The following CPN1 variants were observed in gnomAD, a reference collection of about 807,000 sequenced individuals.
CPN1 encodes carboxypeptidase N subunit 1, also known as carboxypeptidase N catalytic chain.
In CPN1, 37 loss-of-function variants were observed where a neutral mutation model predicts 46.4. The observed-to-expected ratio is 0.80, with a 90% CI of 0.61 to 1.05. CPN1 has a LOEUF of 1.05. Ranked by LOEUF, CPN1 falls within the 50% of genes least tolerant of loss-of-function variation. CPN1 has a pLI of 0.00. For missense variants in CPN1, 563 were observed against 602.6 expected, an observed-to-expected ratio of 0.93 and a Z score of 0.69; for synonymous variants, 224 against 235.4, an observed-to-expected ratio of 0.95 and a Z score of 0.44.
chr10:100,062,553 TTTTA>T, intron 5 of CPN1, among the ~76,000 whole-genome samples: 1 of 152,310 alleles, frequency 6.6e-6, no homozygotes, highest in Non-Finnish European at 1.5e-5. Flanking sequence ...ATGTGTATTA[TTTTA>T]TTTAATACTC....
At chr10:100,059,253 A>G (rs2041403519) in intron 5 of CPN1, among the ~76,000 whole-genome samples, 1 of 152,200 alleles carries the variant, frequency 6.6e-6, no homozygotes, top group South Asian at 2.1e-4. Context: ...AGAATAGGTG[A>G]CGACAGAATC....
intron 6 of CPN1, among the ~76,000 whole-genome samples, chr10:100,056,356 C>T (rs1278425939): frequency 6.6e-6 from 1 of 152,162 alleles, no homozygotes; most frequent in African/African-American, 2.4e-5. Context: ...TCCCTCACCT[C>T]CTTGAAATTT....
rs189694556 is a variant in CPN1 at position 100,052,664 on chromosome 10, G to A, written c.1111+1683C>T. Among the ~76,000 whole-genome samples, 23 of 151,872 alleles carry A rather than the reference G, an allele frequency of 1.5e-4. No homozygotes were observed. The East Asian group carries it at 3.5e-3, about 23-fold the overall frequency. ...GCAGATGACTTGAGCTCAGGAGTTC[G>A]AGACCAGCCTGGACAACAGGGCAAA... On this transcript the variant is annotated intron_variant, in intron 7 of 8. Coordinates refer to ENST00000370418, the MANE Select transcript of CPN1 (RefSeq NM_001308.3).
intron 8 of CPN1, among the ~76,000 whole-genome samples, 185 bp downstream of exon 8, chr10:100,048,573 T>C (rs2041328756): frequency 1.3e-5 from 2 of 152,050 alleles, no homozygotes; most frequent in Non-Finnish European, 2.9e-5. Flanking sequence ...TGTGTGCTTA[T>C]ACTCACTCCC....
chr10:100,081,359 A>C, intron 1 of CPN1, 44 bp downstream of exon 1: 1 of 1,555,460 alleles, frequency 6.4e-7, no homozygotes, highest in Non-Finnish European at 8.8e-7. Flanking sequence ...TTTGCAAGGG[A>C]AAGGCCCTGC....
intron 4 of CPN1, among the ~76,000 whole-genome samples, chr10:100,064,885 A>C (rs2041443891): frequency 1.3e-5 from 2 of 152,026 alleles, no homozygotes; most frequent in African/African-American, 4.8e-5. Context: ...CCCCCCAAAA[A>C]TTCACATTTA....
Position 100,077,214 on chromosome 10 carries a change from T to A in CPN1, c.224-1107A>T, listed in dbSNP as rs1056707781. ...GATGAGAGAGAGCTCTCTGTTGACT[T>A]CCCCGGTTTTACCTTTTTTTTTTTT... On this transcript the variant is annotated intron_variant, in intron 1 of 8. Transcript: ENST00000370418. 2.0e-5 allele frequency among the ~76,000 whole-genome samples: 3 copies of A among 148,346 alleles called. No individual in the cohort carries two copies. The South Asian group carries it at 6.4e-4, about 32-fold the overall frequency.
At chr10:100,073,057 C>T (rs533261086) in intron 2 of CPN1, among the ~76,000 whole-genome samples, 29 of 152,242 alleles carry the variant, frequency 1.9e-4, no homozygotes, top group East Asian at 9.6e-4. Flanking sequence ...CAATAAAATG[C>T]GGCAGATTAC....
At chr10:100,076,206 A>T in intron 1 of CPN1, 99 bp from the exon 2 acceptor site, 1 of 1,159,364 alleles carries the variant, frequency 8.6e-7, no homozygotes, top group Non-Finnish European at 1.3e-6. Context: ...GAATGAAAGA[A>T]AATCTCATGC....
intron 7 of CPN1, among the ~76,000 whole-genome samples, chr10:100,050,433 G>A (rs1163140556): frequency 6.6e-6 from 1 of 152,110 alleles, no homozygotes; most frequent in Non-Finnish European, 1.5e-5. Flanking sequence ...ACTGCTTTAT[G>A]CAATTGTGAG....
At chr10:100,077,008 C>T (rs1016265426) in intron 1 of CPN1, among the ~76,000 whole-genome samples, 2 of 152,078 alleles carry the variant, frequency 1.3e-5, no homozygotes, top group Admixed American at 6.6e-5. Context: ...ATCATTCTTG[C>T]CCTCTTTTAA....
At chr10:100,050,549 G>A (rs778133939) in intron 7 of CPN1, among the ~76,000 whole-genome samples, 5 of 152,108 alleles carry the variant, frequency 3.3e-5, no homozygotes, top group Non-Finnish European at 7.4e-5. Flanking sequence ...AAAAGCTGCC[G>A]GTGGTGTTAT....
At position 100,051,954 on chromosome 10, in the gene CPN1, G is replaced by T. The variant is rs1357976518; in HGVS notation, c.1111+2393C>A. On this transcript the variant is annotated intron_variant, in intron 7 of 8. Coordinates refer to ENST00000370418, the MANE Select transcript of CPN1 (RefSeq NM_001308.3). ...AGTCTCACTCTGCCCAGGCTGGAGTGCAGTGACGTGATTTCGGCTCACTGC... is the reference window on the plus strand; with the variant it reads ...AGTCTCACTCTGCCCAGGCTGGAGTTCAGTGACGTGATTTCGGCTCACTGC... Among the ~76,000 whole-genome samples, 6 of 150,398 alleles carry T rather than the reference G, an allele frequency of 4.0e-5. No individual in the cohort carries two copies. In the South Asian group the frequency reaches 1.3e-3, roughly 32 times the overall value.
chr10:100,054,175 C>T (rs1414785705), intron 7 of CPN1, among the ~76,000 whole-genome samples, 172 bp downstream of exon 7: 2 of 152,132 alleles, frequency 1.3e-5, no homozygotes, highest in Non-Finnish European at 1.5e-5. Flanking sequence ...TTGATTCAGC[C>T]TCTTAATTTA....
At chr10:100,059,650 A>G (rs1253148467) in intron 5 of CPN1, among the ~76,000 whole-genome samples, 1 of 151,686 alleles carries the variant, frequency 6.6e-6, no homozygotes, top group African/African-American at 2.4e-5. Context: ...TCCCGTGCAC[A>G]GGTGGTGTTT....
intron 5 of CPN1, among the ~76,000 whole-genome samples, chr10:100,060,030 T>A (rs138941078): frequency 6.6e-6 from 1 of 152,234 alleles, no homozygotes; most frequent in African/African-American, 2.4e-5. Context: ...TATGAGGTAC[T>A]TAGAGCAGTC....
At chr10:100,047,236 A>G (rs527703699) in intron 8 of CPN1, among the ~76,000 whole-genome samples, 3 of 152,208 alleles carry the variant, frequency 2.0e-5, no homozygotes, top group East Asian at 1.9e-4. Flanking sequence ...TGAAAGAAGA[A>G]GAGGAGGAAG....
chr10:100,055,221 G>C (rs1239638990), intron 6 of CPN1, among the ~76,000 whole-genome samples: 1 of 151,524 alleles, frequency 6.6e-6, no homozygotes, highest in Non-Finnish European at 1.5e-5. Context: ...CTGGGCAACA[G>C]AGTGAGACTC....
intron 1 of CPN1, among the ~76,000 whole-genome samples, chr10:100,077,820 G>A (rs919920021): frequency 1.7e-4 from 26 of 151,918 alleles, no homozygotes; most frequent in Non-Finnish European, 3.5e-4. Flanking sequence ...TAGATGACAG[G>A]TAGTTTTCTT....
Sources: allele counts gnomAD v4.1 joint callset (sites outside exome capture counted in the v4.1 genomes callset), GRCh38; gene constraint gnomAD v4.1.1; transcripts MANE v1.5; gene names NCBI Gene and HGNC (gene_info 2026-07-23, HGNC 2026-07-21).